The following SPMIP4 variants were observed in gnomAD, a reference collection of about 807,000 sequenced individuals.
SPMIP4 encodes the protein sperm microtubule inner protein 4.
the SPMIP4 span, chr7:25,168,219 G>T: frequency 7.5e-7 from 1 of 1,325,246 alleles, no homozygotes; most frequent in Non-Finnish European, 1.0e-6. Context: ...AGCAAACAAA[G>T]GACTCACAAT....
the SPMIP4 span, among the ~76,000 whole-genome samples, chr7:25,149,835 C>T: frequency 2.6e-5 from 4 of 152,140 alleles, no homozygotes; most frequent in African/African-American, 9.7e-5. Context: ...AGTGAAATTA[C>T]CCAGATACGT....
the SPMIP4 span, chr7:25,168,608 A>G: frequency 1.5e-6 from 1 of 658,322 alleles, no homozygotes; most frequent in East Asian, 3.1e-5. Flanking sequence ...TGTCAGGTAG[A>G]TTATGATACT....
chr7:25,151,820 A>T, the SPMIP4 span: 1 of 503,802 alleles, frequency 2.0e-6, no homozygotes, highest in Non-Finnish European at 3.5e-6. Context: ...AGCTTTAGAG[A>T]GATTCAGCTT....
At chr7:25,148,516 C>A in the SPMIP4 span, among the ~76,000 whole-genome samples, 1 of 132,806 alleles carries the variant, frequency 7.5e-6, no homozygotes, top group Admixed American at 7.9e-5. Flanking sequence ...TGACTCTCAC[C>A]CAGGCTGGAG....
At chr7:25,142,414 C>G in the SPMIP4 span, 2 of 1,064,444 alleles carry the variant, frequency 1.9e-6, no homozygotes, top group Non-Finnish European at 2.7e-6. Context: ...AAAACTTACC[C>G]ATTCCTTTTG....
the SPMIP4 span, among the ~76,000 whole-genome samples, chr7:25,171,279 G>T: frequency 6.6e-6 from 1 of 152,178 alleles, no homozygotes; most frequent in Non-Finnish European, 1.5e-5. Context: ...GAAGGGCAGG[G>T]ATTCTACTGG....
the SPMIP4 span, among the ~76,000 whole-genome samples, chr7:25,178,239 TG>T: frequency 6.6e-6 from 1 of 152,208 alleles, no homozygotes; most frequent in Non-Finnish European, 1.5e-5. Flanking sequence ...TCCATGTCTT[TG>T]CTATTGTGAA....
At chr7:25,135,203 A>G in the SPMIP4 span, 1 of 570,662 alleles carries the variant, frequency 1.8e-6, no homozygotes, top group Non-Finnish European at 2.2e-6. Context: ...ACTGATACCA[A>G]GCCATCCTTT....
chr7:25,146,757 G>A, the SPMIP4 span, among the ~76,000 whole-genome samples: 2 of 152,226 alleles, frequency 1.3e-5, no homozygotes, highest in Non-Finnish European at 2.9e-5. Flanking sequence ...GTTATTCTCA[G>A]TGAGGCTTTG....
chr7:25,153,617 G>A, the SPMIP4 span, among the ~76,000 whole-genome samples: 1 of 151,536 alleles, frequency 6.6e-6, no homozygotes, highest in African/African-American at 2.4e-5. Context: ...GTGATTTCTT[G>A]CTAACTATGT....
chr7:25,136,619 C>G, the SPMIP4 span: 1 of 1,614,124 alleles, frequency 6.2e-7, no homozygotes. The surrounding 1 kb of genome is among the most constrained non-coding windows in gnomAD (Gnocchi z 5.7). Flanking sequence ...GCCACCATTT[C>G]TTTAGAACTG....
chr7:25,164,677 A>C, the SPMIP4 span, among the ~76,000 whole-genome samples: 27,747 of 152,088 alleles, frequency 0.18, 3,654 homozygotes, highest in African/African-American at 0.37. Flanking sequence ...GTGGTGAATA[A>C]ATGAATAAAT....
the SPMIP4 span, chr7:25,155,344 G>T: frequency 1.9e-6 from 1 of 537,874 alleles, no homozygotes; most frequent in Non-Finnish European, 3.1e-6. Flanking sequence ...ATGTCCCTGT[G>T]CTCATGGAAT....
chr7:25,159,497 C>A, the SPMIP4 span, among the ~76,000 whole-genome samples: 1 of 152,100 alleles, frequency 6.6e-6, no homozygotes, highest in Non-Finnish European at 1.5e-5. Flanking sequence ...TCAGCCTATG[C>A]AAATAAAATT....
chr7:25,166,429 T>C, the SPMIP4 span, among the ~76,000 whole-genome samples: 1 of 151,788 alleles, frequency 6.6e-6, no homozygotes, highest in Non-Finnish European at 1.5e-5. Context: ...CTACTAAAAA[T>C]ACAAAAGATT....
chr7:25,167,764 C>T, the SPMIP4 span, among the ~76,000 whole-genome samples: 1 of 152,150 alleles, frequency 6.6e-6, no homozygotes, highest in Non-Finnish European at 1.5e-5. Context: ...CTGAGTAAAT[C>T]CTTAGGAAAT....
At chr7:25,135,519 C>CT in the SPMIP4 span, 1 of 984,922 alleles carries the variant, frequency 1.0e-6, no homozygotes, top group Non-Finnish European at 1.2e-6. Context: ...CCTAATGCTA[C>CT]TATGTACAAA....
At chr7:25,161,506 G>C in the SPMIP4 span, among the ~76,000 whole-genome samples, 1 of 151,870 alleles carries the variant, frequency 6.6e-6, no homozygotes, top group South Asian at 2.1e-4. Context: ...CAAAGTGCTG[G>C]GATTACAGAC....
At chr7:25,170,808 C>A in the SPMIP4 span, among the ~76,000 whole-genome samples, 1 of 152,138 alleles carries the variant, frequency 6.6e-6, no homozygotes, top group Admixed American at 6.5e-5. Flanking sequence ...ATTAAATGGT[C>A]TTGGCTAAAG....
Sources: allele counts gnomAD v4.1 joint callset (sites outside exome capture counted in the v4.1 genomes callset), GRCh38; gene constraint gnomAD v4.1.1; non-coding constraint Gnocchi (gnomAD v3.1); transcripts MANE v1.5; gene names NCBI Gene and HGNC (gene_info 2026-07-23, HGNC 2026-07-21).